ANK3: variants seen among roughly 807,000 people sequenced by gnomAD.
ANK3 encodes the protein ankyrin 3.
A neutral mutation model predicts 370.9 loss-of-function variants in ANK3; 57 were observed. The ratio of observed to expected loss-of-function variants is 0.15; its 90% CI spans 0.12 to 0.19. The LOEUF (loss-of-function observed/expected upper bound fraction) is 0.19. Among genes scored for constraint, ANK3 ranks in the 10% least tolerant of loss-of-function variants. The pLI, the probability that ANK3 is intolerant of heterozygous loss-of-function variation, is 1.00. For synonymous variants in ANK3, 1,929 were observed against 1,946.3 expected, an observed-to-expected ratio of 0.99 and a Z score of 0.23; for missense variants, 4,439 against 5,302.1, an observed-to-expected ratio of 0.84 and a Z score of 5.06.
chr10:60,584,427 G>A (rs776656053), intron 2 of ANK3, among the ~76,000 whole-genome samples: 2 of 143,322 alleles, frequency 1.4e-5, no homozygotes, highest in African/African-American at 5.3e-5. Context: ...AAGGACAGCC[G>A]AGGCAACAAA....
intron 1 of ANK3, among the ~76,000 whole-genome samples, chr10:60,317,481 A>T (rs566620746): frequency 1.3e-5 from 2 of 152,132 alleles, no homozygotes; most frequent in African/African-American, 4.8e-5. Flanking sequence ...AGCCTGCTTG[A>T]TTTGTTCTCA....
intron 40 of ANK3, chr10:60,059,649 AC>A: frequency 6.4e-7 from 1 of 1,558,120 alleles, no homozygotes; most frequent in South Asian, 1.2e-5. Context: ...TGCTGGTTTA[AC>A]ATCTTTTGGG....
chr10:60,462,309 TACAG>T (rs1237594003), intron 2 of ANK3, among the ~76,000 whole-genome samples: 1 of 152,220 alleles, frequency 6.6e-6, no homozygotes, highest in Non-Finnish European at 1.5e-5. Flanking sequence ...TCTGATTCTC[TACAG>T]ACAATCTAGT....
At chr10:60,413,404 A>G (rs2063598709) in intron 2 of ANK3, among the ~76,000 whole-genome samples, 1 of 152,232 alleles carries the variant, frequency 6.6e-6, no homozygotes, top group Admixed American at 6.5e-5. Flanking sequence ...GTGCTTGAAA[A>G]GATGACAGAT....
At chr10:60,159,292 T>C (rs917692136) in intron 23 of ANK3, among the ~76,000 whole-genome samples, 6 of 151,854 alleles carry the variant, frequency 4.0e-5, no homozygotes, top group Non-Finnish European at 8.8e-5. Context: ...TTAGATGAAA[T>C]AGATTTCAAG....
chr10:60,540,830 G>T (rs553298383), intron 2 of ANK3, among the ~76,000 whole-genome samples: 1 of 151,894 alleles, frequency 6.6e-6, no homozygotes, highest in African/African-American at 2.4e-5. Context: ...AGCCTGTCAC[G>T]ACAGTGACAA....
rs115038063 is a variant in ANK3 at position 60,443,534 on chromosome 10, C to A, written c.97-163895G>T. 4.7e-3 allele frequency among the ~76,000 whole-genome samples: 714 copies of A among 152,292 alleles called. 8 individuals carry two copies. Among genetic ancestry groups the A allele is most frequent in the African/African-American group, 0.017 (689 of 41,558 alleles). On this transcript the variant is annotated intron_variant, in intron 2 of 43. Coordinates refer to the ANK3 transcript ENST00000373827. Reference sequence around the variant, plus strand: ...GCCCAATCGTGTTTTTCAATGCTTACTGCCAACATAAACTCCTTCATTTCA... The same window carrying A: ...GCCCAATCGTGTTTTTCAATGCTTAATGCCAACATAAACTCCTTCATTTCA...
chr10:60,389,562 A>G lies in ANK3; in HGVS notation c.-24T>C, dbSNP rs1262542941. The G allele has an allele frequency of 1.2e-6, 2 of 1,611,920 alleles. No individual in the cohort carries two copies. The highest frequency in any genetic ancestry group is 1.7e-5 in the Admixed American group (1 of 59,560). On this transcript the variant is annotated 5_prime_UTR_variant, in exon 1 of 44. Coordinates refer to ENST00000280772, the MANE Select transcript of ANK3 (RefSeq NM_020987.5). ...ATAATGCATTTAAAAAGATCCTCTC[A>G]AGCACACACGGCTTCCTTGTAAAAG...
At chr10:60,693,648 C>T (rs1013479283) in intron 1 of ANK3, among the ~76,000 whole-genome samples, 8 of 152,198 alleles carry the variant, frequency 5.3e-5, no homozygotes, top group South Asian at 4.1e-4. Context: ...AGATTGACCC[C>T]TCACACAGCC....
chr10:60,422,255 G>T (rs770017279), intron 2 of ANK3, among the ~76,000 whole-genome samples: 22 of 152,054 alleles, frequency 1.4e-4, no homozygotes, highest in Non-Finnish European at 2.6e-4. Flanking sequence ...AAGCCACAAG[G>T]AACAAAAATT....
chr10:60,359,794 G>A (rs574388759), intron 1 of ANK3, among the ~76,000 whole-genome samples: 6 of 152,090 alleles, frequency 3.9e-5, no homozygotes, highest in Non-Finnish European at 7.4e-5. Flanking sequence ...GAAAGCCCCT[G>A]TCTCTAAAAC....
At chr10:60,038,154 T>G (rs1366495987) in intron 43 of ANK3, among the ~76,000 whole-genome samples, 1 of 152,224 alleles carries the variant, frequency 6.6e-6, no homozygotes, top group Non-Finnish European at 1.5e-5. Context: ...TCAAGCACTT[T>G]GGGAGGCCAA....
In ANK3 at chr10:60,202,413, G is replaced by A. The variant is rs148891944; in HGVS notation, c.1392+589C>T. ...GCTGGGATTACAAGCGTGAGCCACC[G>A]TGCCCGGCCACACTTTATTTTTTAA... On this transcript the variant is annotated intron_variant, in intron 12 of 43. Coordinates refer to ENST00000280772, the MANE Select transcript of ANK3 (RefSeq NM_020987.5). Among the ~76,000 whole-genome samples, 215 of 152,192 alleles carry A rather than the reference G, an allele frequency of 1.4e-3. 1 individual carries two copies. The highest frequency in any genetic ancestry group is 4.7e-3 in the African/African-American group (197 of 41,548).
chr10:60,422,611 T>C (rs1156920269), intron 2 of ANK3, among the ~76,000 whole-genome samples: 1 of 152,120 alleles, frequency 6.6e-6, no homozygotes, highest in Admixed American at 6.6e-5. Context: ...CAGCAATCAT[T>C]TACTTTAATA....
intron 23 of ANK3, among the ~76,000 whole-genome samples, chr10:60,147,836 G>T (rs2094909179): frequency 6.6e-6 from 1 of 152,152 alleles, no homozygotes; most frequent in Non-Finnish European, 1.5e-5. Context: ...GCAGAACCAT[G>T]AGCCAATTAA....
At chr10:60,397,175 T>A (rs921041223) in intron 2 of ANK3, among the ~76,000 whole-genome samples, 24 of 151,256 alleles carry the variant, frequency 1.6e-4, no homozygotes, top group African/African-American at 5.8e-4. Flanking sequence ...ATTCGTTGAT[T>A]TAGGAGGTCA....
At position 60,196,536 on chromosome 10, in the gene ANK3, A is replaced by G. The variant is rs2096587909; in HGVS notation, c.1779T>C (p.Ala593=). The G allele has an allele frequency of 2.5e-6, 4 of 1,611,276 alleles. No homozygotes were observed. The highest frequency in any genetic ancestry group is 3.4e-6 in the Non-Finnish European group (4 of 1,178,118). ...LLLQKSASPD[A]AGKSGLTPLH... is the part of the protein sequence containing the mutation. The stretch of plus-strand genomic sequence containing the variant: ...GCTGGTGACCTCTTACCTTCCCAGC[A>G]GCATCTGGAGATGCACTTTTCTGTA... Residue 593 remains alanine (A), a synonymous_variant, in exon 15 of 44, where the codon GCT becomes GCC. Transcript: ENST00000280772.
chr10:60,329,471 C>T (rs754878276), intron 1 of ANK3, among the ~76,000 whole-genome samples: 1 of 152,172 alleles, frequency 6.6e-6, no homozygotes, highest in Admixed American at 6.5e-5. Flanking sequence ...AAATCACAAG[C>T]ATTTCTATAC....
chr10:60,114,235 T>C lies in ANK3; in HGVS notation c.2938A>G (p.Ile980Val), dbSNP rs375406302. ...LDNVNLVSSP[I>V]HSGFLVSFMV... The stretch of plus-strand genomic sequence containing the variant: ...ATTTAGGTTACTTACCCAGAATGAA[T>C]GGGGCTTGAAACAAGATTGACATTG... The change falls in exon 26 of 44, where the codon ATT (isoleucine) becomes GTT (valine). Residue 980 changes from isoleucine (I) to valine (V), a missense_variant. Coordinates refer to ENST00000280772, the MANE Select transcript of ANK3 (RefSeq NM_020987.5). 3.7e-6 allele frequency: 6 copies of C among 1,600,852 alleles called. No individual in the cohort carries two copies. Among genetic ancestry groups the C allele is most frequent in the Non-Finnish European group, 5.1e-6 (6 of 1,172,660 alleles).
Sources: allele counts gnomAD v4.1 joint callset (sites outside exome capture counted in the v4.1 genomes callset), GRCh38; gene constraint gnomAD v4.1.1; transcripts MANE v1.5; gene names NCBI Gene and HGNC (gene_info 2026-07-23, HGNC 2026-07-21).